Variants in NDE1 observed in about 807,000 individuals in gnomAD.
The protein encoded by NDE1 is nuclear distribution protein nudE homolog 1.
NDE1 carries 28 observed loss-of-function variants against 43.4 expected under a neutral mutation model. That is an observed-to-expected ratio of 0.65 (90% CI 0.48 to 0.89). The LOEUF is 0.89. NDE1 is among the 40% of genes least tolerant of loss of function. NDE1 has a pLI of 0.00. For synonymous variants in NDE1, 184 were observed against 172.0 expected, an observed-to-expected ratio of 1.07 and a Z score of -0.55; for missense variants, 441 against 434.1, an observed-to-expected ratio of 1.02 and a Z score of -0.14.
chr16:15,724,462 G>A lies in NDE1; in HGVS notation c.*211G>A. 1 of 1,610,598 alleles carries A rather than the reference G, an allele frequency of 6.2e-7. No individual in the cohort carries two copies. On this transcript the variant is annotated 3_prime_UTR_variant, in exon 9 of 9. Transcript: ENST00000396354. ...GAGAGGGGGACCATGAGTGGCCCCT[G>A]TCCCTGGCCCCACAGACTCTGAGAA...
chr16:15,660,699 C>T (rs941787639), intron 1 of NDE1, among the ~76,000 whole-genome samples: 7 of 152,098 alleles, frequency 4.6e-5, no homozygotes, highest in African/African-American at 1.7e-4. Context: ...TTGCTCACAC[C>T]GCCAGTGACC....
chr16:15,696,132 G>A (rs1170356475), intron 7 of NDE1: 1 of 155,494 alleles, frequency 6.4e-6, no homozygotes, highest in Non-Finnish European at 1.4e-5. Flanking sequence ...GGTTGAGGCT[G>A]CAGTGAGCCG....
At chr16:15,719,162 T>C (rs2151203149) in intron 8 of NDE1, 1 of 1,513,032 alleles carries the variant, frequency 6.6e-7, no homozygotes, top group Non-Finnish European at 9.2e-7. Flanking sequence ...GGGTCGAGGA[T>C]GCTGCCTGTC....
In NDE1 at chr16:15,722,069, G is replaced by C. The variant is rs867955616; in HGVS notation, c.948-2122G>C. Among the ~76,000 whole-genome samples the C allele has an allele frequency of 1.2e-4, 19 of 152,158 alleles. No individual in the cohort carries two copies. The Middle Eastern group carries it at 0.02, about 163-fold the overall frequency. ...GATGTGGTTTTGCCATGTTGACCAGGCTGGTCTCGAACTCCTGACCCTCAA... is the reference window on the plus strand; with the variant it reads ...GATGTGGTTTTGCCATGTTGACCAGCCTGGTCTCGAACTCCTGACCCTCAA... On this transcript the variant is annotated intron_variant, in intron 8 of 8. Transcript: ENST00000396354.
intron 6 of NDE1, among the ~76,000 whole-genome samples, chr16:15,692,062 A>G (rs1025991553): frequency 1.3e-5 from 2 of 151,384 alleles, no homozygotes; most frequent in Non-Finnish European, 2.9e-5. Flanking sequence ...CGTGTGCTGC[A>G]TGGGCAGAAA....
intron 7 of NDE1, 58 bp from the exon 8 acceptor site, chr16:15,696,651 G>C: frequency 6.2e-7 from 1 of 1,613,432 alleles, no homozygotes; most frequent in Non-Finnish European, 8.5e-7. Flanking sequence ...TACAGGCTCT[G>C]GTAAGACAGA....
At chr16:15,722,477 G>A (rs1469102092) in intron 8 of NDE1, among the ~76,000 whole-genome samples, 2 of 152,178 alleles carry the variant, frequency 1.3e-5, no homozygotes. Context: ...AGCAAAGACA[G>A]GGACCTCTAA....
intron 1 of NDE1, among the ~76,000 whole-genome samples, chr16:15,655,093 A>G (rs1349252043): frequency 3.3e-5 from 5 of 151,980 alleles, no homozygotes; most frequent in Non-Finnish European, 7.4e-5. Context: ...ATTTCTGCTC[A>G]CTGCAACCTC....
At chr16:15,690,465 C>G (rs878929330) in intron 5 of NDE1, among the ~76,000 whole-genome samples, 1 of 132,990 alleles carries the variant, frequency 7.5e-6, no homozygotes, top group Non-Finnish European at 1.5e-5. Context: ...TAATGTGATT[C>G]TTACACCTCA....
rs144813247 is a variant in NDE1 at position 15,719,673 on chromosome 16, C to A, written c.948-4518C>A. 5.6e-5 allele frequency: 91 copies of A among 1,614,062 alleles called. No homozygotes were observed. Among genetic ancestry groups the A allele is most frequent in the Non-Finnish European group, 6.9e-5 (82 of 1,180,040 alleles). On this transcript the variant is annotated intron_variant, in intron 8 of 8. Transcript: ENST00000396354. ...GGCAAAGATCTCATCTCTGGAGGCA[C>A]GGGCATCTTCCAGCTCTCTTTGAAA...
At chr16:15,709,478 C>T (rs2039658690) in intron 8 of NDE1, among the ~76,000 whole-genome samples, 1 of 152,118 alleles carries the variant, frequency 6.6e-6, no homozygotes, top group African/African-American at 2.4e-5. Context: ...CCGTGGCTGG[C>T]TAATTTTCAT....
Position 15,720,265 on chromosome 16 carries a change from G to T in NDE1, c.948-3926G>T, listed in dbSNP as rs536345257. On this transcript the variant is annotated intron_variant, in intron 8 of 8. Coordinates refer to ENST00000396354, the MANE Select transcript of NDE1 (RefSeq NM_017668.3). ...GCTTCTTCTTTGCTGCAGCTGCCAG[G>T]GCACGTTGCTTTCGCTCGTCTTCCA... The T allele has an allele frequency of 1.9e-6, 3 of 1,614,132 alleles. No individual in the cohort carries two copies. In the African/African-American group the frequency reaches 4.0e-5, roughly 22 times the overall value.
In NDE1 at chr16:15,694,206, G is replaced by A; in HGVS notation, c.745G>A (p.Ala249Thr). The A allele has an allele frequency of 6.2e-7, 1 of 1,613,386 alleles. No individual in the cohort carries two copies. The highest frequency in any genetic ancestry group is 1.8e-4 in the Middle Eastern group (1 of 5,440). The part of the protein sequence containing the change: ...STGGTPLTPA[A>T]RISALNIVGD... Reference sequence around the variant, plus strand: ...CGGGGGGACCCCCCTCACACCTGCGGCCCGGATATCAGCCCTCAACATTGT... The same window carrying A: ...CGGGGGGACCCCCCTCACACCTGCGACCCGGATATCAGCCCTCAACATTGT... Residue 249 changes from alanine to threonine, a missense_variant, in exon 7 of 9, where the codon GCC (alanine) becomes ACC (threonine). Transcript: ENST00000396354.
At chr16:15,687,179 TG>T (rs2038479529) in intron 4 of NDE1, 195 bp from the exon 5 acceptor site, 1 of 1,502,482 alleles carries the variant, frequency 6.7e-7, no homozygotes, top group South Asian at 1.2e-5. Flanking sequence ...CCATGAGCTA[TG>T]ATGAGTCCCA....
At position 15,724,536 on chromosome 16, in the gene NDE1, G is replaced by T; in HGVS notation, c.*285G>T. The T allele has an allele frequency of 6.2e-7, 1 of 1,603,460 alleles. No homozygotes were observed. Among genetic ancestry groups the T allele is most frequent in the Non-Finnish European group, 8.5e-7 (1 of 1,173,514 alleles). On this transcript the variant is annotated 3_prime_UTR_variant, in exon 9 of 9. Coordinates refer to ENST00000396354, the MANE Select transcript of NDE1 (RefSeq NM_017668.3). The stretch of plus-strand genomic sequence containing the variant: ...GAGAAACCCAATAGCAGGGGAAGCT[G>T]GGGGGTCAAGCACCATCGCACCAAC...
At chr16:15,706,006 T>A (rs1382253143) in intron 8 of NDE1, among the ~76,000 whole-genome samples, 549 of 52,754 alleles carry the variant, frequency 0.01, 1 homozygote, top group African/African-American at 0.023. Context: ...AAAAAAAAAA[T>A]CAAGGCCCAG....
intron 6 of NDE1, among the ~76,000 whole-genome samples, chr16:15,691,800 T>G (rs1654366230): frequency 6.6e-6 from 1 of 151,802 alleles, no homozygotes; most frequent in South Asian, 2.1e-4. Flanking sequence ...GGCTAACTTT[T>G]GTATTTTAGG....
At chr16:15,712,130 C>T (rs1567679221) in intron 8 of NDE1, among the ~76,000 whole-genome samples, 2 of 152,190 alleles carry the variant, frequency 1.3e-5, no homozygotes, top group South Asian at 2.1e-4. Flanking sequence ...AGCTGCTGAG[C>T]TGGAGAGAGG....
intron 3 of NDE1, among the ~76,000 whole-genome samples, chr16:15,677,413 C>T (rs1482278535): frequency 1.3e-5 from 2 of 151,998 alleles, no homozygotes; most frequent in African/African-American, 4.8e-5. Flanking sequence ...TGGTAAAACC[C>T]GGTCTCTACT....
Sources: gnomAD v4.1 joint callset for allele counts (sites outside exome capture counted in the v4.1 genomes callset) on GRCh38, gnomAD v4.1.1 for gene constraint, MANE v1.5 for transcripts, NCBI Gene and HGNC (gene_info 2026-07-23, HGNC 2026-07-21) for gene names.